The following MMP17 variants were observed in gnomAD, a reference collection of about 807,000 sequenced individuals.
MMP17 encodes matrix metallopeptidase 17.
In MMP17, 54 loss-of-function variants were observed where a neutral mutation model predicts 49.1. That is an observed-to-expected ratio of 1.10 (90% CI 0.88 to 1.38). MMP17 has a LOEUF of 1.38. Among genes scored for constraint, MMP17 ranks in the 40% most tolerant of loss-of-function variants. The pLI, the probability that MMP17 is intolerant of heterozygous loss-of-function variation, is 0.00. For missense variants in MMP17, 837 were observed against 853.7 expected (o/e 0.98, Z 0.24); for synonymous variants, 397 against 383.1 (o/e 1.04, Z -0.42).
chr12:131,836,128 A>G (rs1041538282), intron 1 of MMP17, among the ~76,000 whole-genome samples: 6 of 151,210 alleles, frequency 4.0e-5, no homozygotes, highest in African/African-American at 1.2e-4. Flanking sequence ...TTCTGTACAC[A>G]CTCTTGGCTT....
chr12:131,830,344 C>T (rs1886727264), intron 1 of MMP17, among the ~76,000 whole-genome samples: 1 of 152,154 alleles, frequency 6.6e-6, no homozygotes. Flanking sequence ...GAGGATGTGG[C>T]TCCCCAGCCT....
chr12:131,851,471 G>A lies in MMP17; in HGVS notation c.*197G>A. 2 of 442,338 alleles carry A rather than the reference G, an allele frequency of 4.5e-6. No homozygotes were observed. The highest frequency in any genetic ancestry group is 7.6e-6 in the Non-Finnish European group (2 of 262,686). The allele number at this position is 442,338 out of a possible 1,614,324, so 27.4% of individuals were successfully genotyped here. The stretch of plus-strand genomic sequence containing the variant: ...GGCAAGGACGGAGCTGTCCCCTAGT[G>A]AGGGACTGTGTTGACTGACGAGCCG... On this transcript the variant is annotated 3_prime_UTR_variant, in exon 10 of 10. Coordinates refer to ENST00000360564, the MANE Select transcript of MMP17 (RefSeq NM_016155.7).
At chr12:131,830,879 G>A (rs566057327) in intron 1 of MMP17, among the ~76,000 whole-genome samples, 107 of 152,350 alleles carry the variant, frequency 7.0e-4, no homozygotes, top group African/African-American at 2.3e-3. Context: ...CCCCCCGGGG[G>A]TCCTTGGCGG....
At position 131,845,224 on chromosome 12, in the gene MMP17, G is replaced by C. The variant is rs771105103; in HGVS notation, c.1051+24G>C. On this transcript the variant is annotated intron_variant, in intron 7 of 9. Transcript: ENST00000360564. ...AGGTACCTCCAGGGTTCCCGTGGCG[G>C]TTGGCTGAGGGCCATGGCCCACTCT... 5.6e-6 allele frequency: 9 copies of C among 1,613,922 alleles called. No individual in the cohort carries two copies. In the South Asian group the frequency reaches 9.9e-5, roughly 18 times the overall value.
At position 131,844,077 on chromosome 12, in the gene MMP17, G is replaced by A. The variant is rs762234548; in HGVS notation, c.964G>A (p.Ala322Thr). ...GGAGCCCCCAGACAACCGGTCCAGC[G>A]CCCCGTAAGCCCTGGGCCCACGGTC... ...LPEPPDNRSS[A>T]PPRKDVPHRC... The change falls in exon 6 of 10, where the codon GCC becomes ACC. Residue 322 changes from alanine to threonine, a missense_variant. Physicochemically the swap from Ala to Thr is moderately conservative, Grantham distance 58. Transcript: ENST00000360564. The A allele has an allele frequency of 3.0e-5, 47 of 1,556,092 alleles. 1 individual carries two copies. The highest frequency in any genetic ancestry group is 1.7e-4 in the Middle Eastern group (1 of 5,726).
At chr12:131,839,529 G>T (rs902189594) in intron 3 of MMP17, among the ~76,000 whole-genome samples, 8 of 151,902 alleles carry the variant, frequency 5.3e-5, no homozygotes, top group African/African-American at 1.9e-4. Context: ...GCTGGGGGGC[G>T]GTGTTGCAAT....
rs1887959992 is a variant in MMP17, at chr12:131,851,243, T to G, written c.1781T>G (p.Leu594Arg). The G allele has an allele frequency of 2.1e-6, 3 of 1,446,376 alleles. No homozygotes were observed. The highest frequency in any genetic ancestry group is 2.7e-6 in the Non-Finnish European group (3 of 1,097,048). The allele number at this position is 1,446,376 out of a possible 1,614,324, so 89.6% of individuals were successfully genotyped here. Residue 594 changes from leucine (L) to arginine (R), a missense_variant, in exon 10 of 10, where the codon CTG becomes CGG. Coordinates refer to ENST00000360564, the MANE Select transcript of MMP17 (RefSeq NM_016155.7). ...LLLPPLSPGA[L>R]WTAAQALTL Reference sequence around the variant, plus strand: ...CTGCCGCCACTGTCACCAGGCGCCCTGTGGACAGCGGCCCAGGCCCTGACG... The same window carrying G: ...CTGCCGCCACTGTCACCAGGCGCCCGGTGGACAGCGGCCCAGGCCCTGACG...
intron 6 of MMP17, 148 bp from the exon 7 acceptor site, chr12:131,844,970 T>G: frequency 5.6e-6 from 4 of 718,360 alleles, no homozygotes; most frequent in Middle Eastern, 3.7e-4. Flanking sequence ...CCGTTTTAAT[T>G]TGCCTTTAGC....
At chr12:131,840,133 G>T (rs1219717540) in intron 3 of MMP17, 1 of 160,804 alleles carries the variant, frequency 6.2e-6, no homozygotes, top group Non-Finnish European at 1.4e-5. Context: ...CCGGATGGAC[G>T]TGAATTTGGC....
In MMP17 at chr12:131,851,009, C is replaced by T. The variant is rs757337398; in HGVS notation, c.1547C>T (p.Thr516Met). ...LEVAPGYPQS[T>M]ARDWLVCGDS... is the part of the protein sequence containing the mutation. ...GTGGCACCCGGGTACCCACAGTCCA[C>T]GGCCCGGGACTGGCTGGTGTGTGGA... is the stretch of plus-strand genomic sequence containing the variant. The change falls in exon 10 of 10, where the codon ACG (threonine) becomes ATG (methionine). Residue 516 changes from threonine (T) to methionine (M), a missense_variant. Transcript: ENST00000360564. 32 of 1,593,532 alleles carry T rather than the reference C, an allele frequency of 2.0e-5. No individual in the cohort carries two copies. The highest frequency in any genetic ancestry group is 1.7e-4 in the Middle Eastern group (1 of 6,020).
At chr12:131,829,424 G>A (rs1017660352) in intron 1 of MMP17, among the ~76,000 whole-genome samples, 2 of 152,230 alleles carry the variant, frequency 1.3e-5, no homozygotes, top group African/African-American at 4.8e-5. Context: ...CTGTGGACCC[G>A]GAAGATTTAG....
intron 1 of MMP17, among the ~76,000 whole-genome samples, chr12:131,834,834 T>G (rs1474852782): frequency 6.6e-6 from 1 of 152,060 alleles, no homozygotes; most frequent in East Asian, 1.9e-4. Flanking sequence ...AGCCGCCCCC[T>G]CCCAGATGGA....
At chr12:131,834,278 G>GCCTCCTCCCT (rs1555256701) in intron 1 of MMP17, among the ~76,000 whole-genome samples, 1 of 148,166 alleles carries the variant, frequency 6.7e-6, no homozygotes, top group African/African-American at 2.4e-5. Context: ...GCCCCCTCCC[G>GCCTCCTCCCT]CCTCCTCCCT....
In MMP17 at chr12:131,840,808, G is replaced by C; in HGVS notation, c.658G>C (p.Gly220Arg). 3.7e-6 allele frequency: 6 copies of C among 1,606,898 alleles called. No homozygotes were observed. The highest frequency in any genetic ancestry group is 5.1e-6 in the Non-Finnish European group (6 of 1,179,616). The change falls in exon 4 of 10, where the codon GGG (glycine) becomes CGG (arginine). Residue 220 changes from glycine to arginine, a missense_variant. Coordinates refer to ENST00000360564, the MANE Select transcript of MMP17 (RefSeq NM_016155.7). ...AFFPGHHHTA[G>R]DTHFDDDEAW... ...CTTCCCCGGCCACCACCACACCGCC[G>C]GGGACACCCACTTTGACGATGACGA...
At chr12:131,840,934 C>A (rs988263823) in intron 4 of MMP17, 78 bp downstream of exon 4, 237 of 1,445,088 alleles carry the variant, frequency 1.6e-4, no homozygotes, top group Non-Finnish European at 2.0e-4. Flanking sequence ...ATGGCCCCCC[C>A]ATCCCCAACC....
At position 131,840,815 on chromosome 12, in the gene MMP17, C is replaced by T. The variant is rs1452258538; in HGVS notation, c.665C>T (p.Thr222Ile). The T allele has an allele frequency of 1.2e-6, 2 of 1,607,106 alleles. No homozygotes were observed. The highest frequency in any genetic ancestry group is 1.7e-4 in the Middle Eastern group (1 of 6,056). Residue 222 changes from threonine (T) to isoleucine (I), a missense_variant, in exon 4 of 10, where the codon ACC becomes ATC. Physicochemically the swap from Thr to Ile is moderately conservative, Grantham distance 89. Coordinates refer to ENST00000360564, the MANE Select transcript of MMP17 (RefSeq NM_016155.7). ...GGCCACCACCACACCGCCGGGGACA[C>T]CCACTTTGACGATGACGAGGCCTGG... The part of the protein sequence containing the change: ...FPGHHHTAGD[T>I]HFDDDEAWTF...
chr12:131,846,839 C>G lies in MMP17; in HGVS notation c.1204+1390C>G, dbSNP rs551979064. ...CACGGGCGGGACCCCGTTTCCTTGC[C>G]GAGGTAAAGGGTGTTCTGCGTGTCT... On this transcript the variant is annotated intron_variant, in intron 8 of 9. Coordinates refer to ENST00000360564, the MANE Select transcript of MMP17 (RefSeq NM_016155.7). The surrounding 1 kb of genome is among the most constrained non-coding windows in gnomAD (Gnocchi z 4.6). Among the ~76,000 whole-genome samples, 135 of 152,250 alleles carry G rather than the reference C, an allele frequency of 8.9e-4. No individual in the cohort carries two copies. The highest frequency in any genetic ancestry group is 6.8e-3 in the Middle Eastern group (2 of 294).
At chr12:131,847,638 C>G (rs1371639473) in intron 8 of MMP17, among the ~76,000 whole-genome samples, 1 of 152,244 alleles carries the variant, frequency 6.6e-6, no homozygotes, top group Non-Finnish European at 1.5e-5. Flanking sequence ...GTGGACCCGT[C>G]TGGCATCTCC....
chr12:131,834,481 G>T (rs1886978170), intron 1 of MMP17, among the ~76,000 whole-genome samples: 1 of 152,102 alleles, frequency 6.6e-6, no homozygotes, highest in African/African-American at 2.4e-5. Flanking sequence ...ACGCCCCCCT[G>T]CCTGCGTGGG....
Sources: gnomAD v4.1 joint callset for allele counts (sites outside exome capture counted in the v4.1 genomes callset) on GRCh38, gnomAD v4.1.1 for gene constraint, Gnocchi (gnomAD v3.1) non-coding constraint, MANE v1.5 for transcripts, NCBI Gene and HGNC (gene_info 2026-07-23, HGNC 2026-07-21) for gene names.